The following MEGF10 variants were observed in gnomAD, a reference collection of about 807,000 sequenced individuals.
The protein encoded by MEGF10 is multiple EGF like domains 10.
A neutral mutation model predicts 147.5 loss-of-function variants in MEGF10; 86 were observed. The observed-to-expected ratio is 0.58, with a 90% confidence interval of 0.49 to 0.70. The LOEUF is 0.70. MEGF10 is among the 30% of genes least tolerant of loss of function. The pLI is 0.00. For missense variants in MEGF10, 1,329 were observed against 1,487.3 expected (o/e 0.89, Z 1.75); for synonymous variants, 478 against 525.5 (o/e 0.91, Z 1.24).
intron 5 of MEGF10, among the ~76,000 whole-genome samples, chr5:127,395,465 C>A (rs999776527): frequency 4.7e-5 from 7 of 150,480 alleles, no homozygotes; most frequent in African/African-American, 1.7e-4. Flanking sequence ...GCATATTTGT[C>A]CATTTTTTCT....
the MEGF10 span, among the ~76,000 whole-genome samples, chr5:127,249,978 G>A: frequency 3.3e-5 from 5 of 152,138 alleles, no homozygotes; most frequent in South Asian, 8.3e-4. Context: ...TGATAACAGC[G>A]TTGATTCATT....
intron 5 of MEGF10, 125 bp downstream of exon 5, chr5:127,370,127 G>A (rs983855704): frequency 1.9e-5 from 11 of 587,974 alleles, no homozygotes; most frequent in South Asian, 4.9e-5. Context: ...TAAATGCCAC[G>A]ACCAACTCAG....
chr5:127,426,292 T>C (rs901161196), intron 13 of MEGF10, among the ~76,000 whole-genome samples: 1 of 152,226 alleles, frequency 6.6e-6, no homozygotes, highest in Admixed American at 6.5e-5. Context: ...TTGATAGTCC[T>C]ATTTTACCTA....
At chr5:127,392,772 T>C (rs929375107) in intron 5 of MEGF10, among the ~76,000 whole-genome samples, 2 of 152,226 alleles carry the variant, frequency 1.3e-5, no homozygotes, top group African/African-American at 4.8e-5. Flanking sequence ...AGTTCTCTAC[T>C]AGTTTTCACT....
chr5:127,378,736 G>A (rs1020595813), intron 5 of MEGF10, among the ~76,000 whole-genome samples: 1 of 152,078 alleles, frequency 6.6e-6, no homozygotes, highest in Non-Finnish European at 1.5e-5. Context: ...TACAGGCATG[G>A]GCCACCGTGC....
At chr5:127,379,297 C>T (rs1425374937) in intron 5 of MEGF10, among the ~76,000 whole-genome samples, 2 of 152,068 alleles carry the variant, frequency 1.3e-5, no homozygotes, top group African/African-American at 4.8e-5. Flanking sequence ...GTGAGACTAG[C>T]GTGATCTTGT....
At chr5:127,437,984 T>C (rs574438389) in intron 16 of MEGF10, among the ~76,000 whole-genome samples, 32 of 152,308 alleles carry the variant, frequency 2.1e-4, no homozygotes, top group African/African-American at 7.5e-4. Context: ...CCTCCTTATG[T>C]TTTTTCATAA....
the MEGF10 span, among the ~76,000 whole-genome samples, chr5:127,235,159 T>A: frequency 6.6e-6 from 1 of 152,144 alleles, no homozygotes; most frequent in African/African-American, 2.4e-5. Context: ...AACTTGCATA[T>A]CTTTATGAGC....
At chr5:127,244,556 T>C in the MEGF10 span, among the ~76,000 whole-genome samples, 1 of 152,108 alleles carries the variant, frequency 6.6e-6, no homozygotes, top group South Asian at 2.1e-4. Context: ...AAAAGCCATA[T>C]TCAGGTGGTT....
chr5:127,398,838 A>G, intron 7 of MEGF10, 42 bp downstream of exon 7: 1 of 1,611,970 alleles, frequency 6.2e-7, no homozygotes, highest in South Asian at 1.1e-5. Flanking sequence ...CCCCAAAGTC[A>G]CCCATTCCAG....
intron 1 of MEGF10, among the ~76,000 whole-genome samples, chr5:127,307,898 A>T (rs2585191): frequency 0.66 from 100,414 of 152,082 alleles, 33,528 homozygotes; most frequent in Middle Eastern, 0.8. Flanking sequence ...GTCCTCCTCC[A>T]TGGGGTAATA....
chr5:127,445,778 C>A, intron 20 of MEGF10, 85 bp downstream of exon 20: 1 of 948,958 alleles, frequency 1.1e-6, no homozygotes, highest in Non-Finnish European at 1.7e-6. Flanking sequence ...TTTGGCTGTG[C>A]TGTCCATTGT....
chr5:127,394,480 CT>C (rs1763825908), intron 5 of MEGF10, among the ~76,000 whole-genome samples: 2 of 152,102 alleles, frequency 1.3e-5, no homozygotes, highest in African/African-American at 4.8e-5. Flanking sequence ...ATTTTTCTTA[CT>C]CTTGAGGATT....
intron 1 of MEGF10, among the ~76,000 whole-genome samples, chr5:127,324,426 A>C (rs1371088138): frequency 6.6e-6 from 1 of 152,318 alleles, no homozygotes; most frequent in Non-Finnish European, 1.5e-5. Flanking sequence ...CCCAGAATAT[A>C]TAACCAGGGG....
intron 1 of MEGF10, among the ~76,000 whole-genome samples, chr5:127,297,969 C>T (rs2126707362): frequency 6.6e-6 from 1 of 152,282 alleles, no homozygotes; most frequent in South Asian, 2.1e-4. Flanking sequence ...GATCTGAATT[C>T]ATATTTTCCC....
intron 4 of MEGF10, 85 bp from the exon 5 acceptor site, chr5:127,369,825 T>G: frequency 3.9e-6 from 4 of 1,036,322 alleles, no homozygotes; most frequent in Non-Finnish European, 5.8e-6. Flanking sequence ...AAGTGATACT[T>G]GAGACTTGGA....
chr5:127,276,870 G>T, the MEGF10 span, among the ~76,000 whole-genome samples: 1 of 152,178 alleles, frequency 6.6e-6, no homozygotes, highest in African/African-American at 2.4e-5. Flanking sequence ...GGGATCAGGT[G>T]TGTTGGGGAA....
In MEGF10 at chr5:127,455,827, C is replaced by G. The variant is rs140094297; in HGVS notation, c.3232+220C>G. 0.032 allele frequency among the ~76,000 whole-genome samples: 4,904 copies of G among 152,010 alleles called. 83 individuals carry two copies. Among genetic ancestry groups the G allele is most frequent in the Middle Eastern group, 0.051 (15 of 294 alleles). On this transcript the variant is annotated intron_variant, in intron 24 of 24. Coordinates refer to ENST00000503335, the MANE Select transcript of MEGF10 (RefSeq NM_001256545.2). ...CAGTCTTGGCTCACTGCAACCTCTA[C>G]CTCCCGGGCTCAAGCCATCCTCCCA... is the stretch of plus-strand genomic sequence containing the variant.
chr5:127,241,137 T>A, the MEGF10 span, among the ~76,000 whole-genome samples: 1 of 152,232 alleles, frequency 6.6e-6, no homozygotes, highest in Admixed American at 6.5e-5. Context: ...GCACTGATAT[T>A]TATATAACCC....
Sources: gnomAD v4.1 joint callset for allele counts (sites outside exome capture counted in the v4.1 genomes callset) on GRCh38, gnomAD v4.1.1 for gene constraint, MANE v1.5 for transcripts, NCBI Gene and HGNC (gene_info 2026-07-23, HGNC 2026-07-21) for gene names.